HM13: variants seen among roughly 807,000 people sequenced by gnomAD.
The protein encoded by HM13 is signal peptide peptidase.
In HM13, 18 loss-of-function variants were observed where a neutral mutation model predicts 50.0. That is an observed-to-expected ratio of 0.36 (90% CI 0.25 to 0.53). The LOEUF (loss-of-function observed/expected upper bound fraction) is 0.53, where lower values mean the gene tolerates loss of function less well. Among genes scored for constraint, HM13 ranks in the 20% least tolerant of loss-of-function variants. HM13 has a pLI of 0.90. For missense variants in HM13, 393 were observed against 552.4 expected, an observed-to-expected ratio of 0.71 and a Z score of 2.89; for synonymous variants, 197 against 232.6, an observed-to-expected ratio of 0.85 and a Z score of 1.39.
At chr20:31,517,980 A>C (rs1025142028) in intron 1 of HM13, among the ~76,000 whole-genome samples, 2 of 151,966 alleles carry the variant, frequency 1.3e-5, no homozygotes, top group Non-Finnish European at 1.5e-5. Context: ...GTATATAGAC[A>C]TGTAAATTTA....
intron 1 of HM13, among the ~76,000 whole-genome samples, chr20:31,524,619 T>C (rs2122551197): frequency 6.6e-6 from 1 of 152,122 alleles, no homozygotes; most frequent in Non-Finnish European, 1.5e-5. Context: ...AAACAGAATC[T>C]CAGTGTGCTT....
At chr20:31,530,066 G>A (rs1568783261) in intron 2 of HM13, among the ~76,000 whole-genome samples, 1 of 152,082 alleles carries the variant, frequency 6.6e-6, no homozygotes, top group Non-Finnish European at 1.5e-5. Context: ...AAGGTGGGAG[G>A]ATCACTTGAG....
chr20:31,520,002 C>T (rs986941773), intron 1 of HM13, among the ~76,000 whole-genome samples: 1 of 151,872 alleles, frequency 6.6e-6, no homozygotes, highest in Non-Finnish European at 1.5e-5. Flanking sequence ...ATTACAGGCG[C>T]GCACCCACCA....
rs529063036 is a variant in HM13, at chr20:31,568,193, C to T, written c.1150C>T (p.Arg384Cys). Residue 384 changes from arginine to cysteine, a missense_variant, in exon 12 of 13, where the codon CGC becomes TGC. Around this residue, in one of 3 missense-constraint regions of HM13, gnomAD observed 105 missense variants for 115.9 expected, o/e 0.91. Transcript: ENST00000398174. ...CATGCAGCAGAAGCTAGCTGGCCCT[C>T]GCCGCCGGCGCCCGCAGAATCCCAG... ...DSMQQKLAGPRRRRPQNPSAI... is the reference protein window; with the variant it reads ...DSMQQKLAGPCRRRPQNPSAI... The T allele has an allele frequency of 8.1e-6, 13 of 1,612,958 alleles. No homozygotes were observed. In the South Asian group the frequency reaches 8.8e-5, roughly 11 times the overall value.
At chr20:31,518,866 TAGAGAGAG>T (rs377009137) in intron 1 of HM13, among the ~76,000 whole-genome samples, 1 of 149,302 alleles carries the variant, frequency 6.7e-6, no homozygotes, top group Non-Finnish European at 1.5e-5. Context: ...CATATATATA[TAGAGAGAG>T]AGAGAGAGAG....
chr20:31,559,758 G>A, intron 9 of HM13, 111 bp downstream of exon 9: 2 of 968,934 alleles, frequency 2.1e-6, no homozygotes, highest in Non-Finnish European at 1.7e-6. Context: ...CCCCACAGCA[G>A]CCAGAGCAAT....
At chr20:31,517,712 G>C (rs980914619) in intron 1 of HM13, among the ~76,000 whole-genome samples, 2 of 152,214 alleles carry the variant, frequency 1.3e-5, no homozygotes, top group South Asian at 4.1e-4. Flanking sequence ...CCCAGGAGAG[G>C]GGCTTGGATG....
intron 8 of HM13, among the ~76,000 whole-genome samples, chr20:31,555,625 G>T (rs1385371805): frequency 6.6e-6 from 1 of 152,130 alleles, no homozygotes; most frequent in African/African-American, 2.4e-5. Context: ...GAACCCAAGG[G>T]ACATACTTGT....
chr20:31,560,898 T>TA (rs1399661289), intron 9 of HM13, among the ~76,000 whole-genome samples: 1 of 152,212 alleles, frequency 6.6e-6, no homozygotes, highest in African/African-American at 2.4e-5. Flanking sequence ...CCACAAATGT[T>TA]AATTGAGTCC....
intron 2 of HM13, among the ~76,000 whole-genome samples, chr20:31,537,171 T>G (rs1448249301): frequency 2.0e-5 from 3 of 152,192 alleles, no homozygotes; most frequent in African/African-American, 7.2e-5. Context: ...CAGGAGAGCT[T>G]GTACACAGCT....
intron 2 of HM13, among the ~76,000 whole-genome samples, chr20:31,535,886 C>T (rs546872958): frequency 8.5e-5 from 13 of 152,142 alleles, no homozygotes; most frequent in Non-Finnish European, 1.9e-4. Context: ...TCCATAGCAC[C>T]AGGAAAGCAT....
At chr20:31,531,057 T>C (rs1016029183) in intron 2 of HM13, among the ~76,000 whole-genome samples, 3 of 152,210 alleles carry the variant, frequency 2.0e-5, no homozygotes, top group Admixed American at 6.5e-5. Context: ...ATTTTTTTTC[T>C]TTTTTGAGAT....
chr20:31,557,703 C>CTTTTTTTTTTTTTT (rs1180267680), intron 8 of HM13, among the ~76,000 whole-genome samples: 2 of 80,906 alleles, frequency 2.5e-5, no homozygotes, highest in African/African-American at 5.7e-5. Flanking sequence ...GGCAGTGCTT[C>CTTTTTTTTTTTTTT]TTTTTTTTTT....
chr20:31,569,099 T>TG lies in HM13; in HGVS notation c.1182-20dup, dbSNP rs752293946. On this transcript the variant is annotated intron_variant, in intron 12 of 12. Coordinates refer to ENST00000398174, the MANE Select transcript of HM13 (RefSeq NM_178581.3). ...TCTCCTCTAAATGAATTTTTATTGTTGTTTTTTTTTTTTTGGTCAGTTATG... is the reference window on the plus strand; with the variant it reads ...TCTCCTCTAAATGAATTTTTATTGTTGGTTTTTTTTTTTTTGGTCAGTTATG... 6.8e-5 allele frequency: 94 copies of TG among 1,388,362 alleles called. No individual in the cohort carries two copies. The Admixed American group carries it at 1.9e-3, about 28-fold the overall frequency. 86.0% of individuals were successfully genotyped at this position (1,388,362 alleles called of 1,614,324 possible).
intron 7 of HM13, among the ~76,000 whole-genome samples, chr20:31,553,216 A>T (rs753701216): frequency 3.3e-5 from 5 of 150,226 alleles, no homozygotes; most frequent in African/African-American, 7.4e-5. Flanking sequence ...GAATCACTTG[A>T]ACCCGGGAGG....
At chr20:31,555,185 TCACA>T (rs1288330211) in intron 8 of HM13, among the ~76,000 whole-genome samples, 6 of 152,142 alleles carry the variant, frequency 3.9e-5, no homozygotes, top group African/African-American at 1.4e-4. Flanking sequence ...TGGACCCCTG[TCACA>T]CACACCCACA....
chr20:31,547,553 T>C, intron 4 of HM13: 1 of 1,035,142 alleles, frequency 9.7e-7, no homozygotes. Flanking sequence ...TGCATCCAGT[T>C]GAAAACGTCA....
At chr20:31,567,960 A>C in intron 11 of HM13, 118 bp from the exon 12 acceptor site, 1 of 929,306 alleles carries the variant, frequency 1.1e-6, no homozygotes. Context: ...TGGAAGTGCA[A>C]AAATAGGTAA....
chr20:31,548,102 ATGTG>A, intron 4 of HM13: 2 of 1,186,754 alleles, frequency 1.7e-6, no homozygotes, highest in Non-Finnish European at 2.5e-6. Flanking sequence ...ATTGTGTCGT[ATGTG>A]TGTTTGTGTC....
Sources: allele counts gnomAD v4.1 joint callset (sites outside exome capture counted in the v4.1 genomes callset), GRCh38; gene constraint gnomAD v4.1.1; regional missense constraint gnomAD v4.1.1; transcripts MANE v1.5; gene names NCBI Gene and HGNC (gene_info 2026-07-23, HGNC 2026-07-21).